Variants in ESPNL observed in about 807,000 individuals in gnomAD.
ESPNL encodes espin like, also known as espin-like protein.
ESPNL carries 49 observed loss-of-function variants against 46.8 expected under a neutral mutation model. The observed-to-expected ratio is 1.05, with a 90% confidence interval of 0.83 to 1.33. ESPNL has a LOEUF of 1.33. Ranked by LOEUF, ESPNL falls within the 40% of genes most tolerant of loss-of-function variation. ESPNL has a pLI of 0.00. For synonymous variants in ESPNL, 664 were observed against 662.1 expected (o/e 1.00, Z -0.04); for missense variants, 1,540 against 1,436.6 (o/e 1.07, Z -1.16).
Position 238,130,554 on chromosome 2 carries a change from G to T in ESPNL, c.1840G>T (p.Val614Leu), listed in dbSNP as rs763670044. 1 of 1,587,910 alleles carries T rather than the reference G, an allele frequency of 6.3e-7. No individual in the cohort carries two copies. Among genetic ancestry groups the T allele is most frequent in the African/African-American group, 1.3e-5 (1 of 74,700 alleles). The change falls in exon 9 of 9, where the codon GTA (valine) becomes TTA (leucine). Residue 614 changes from valine (V) to leucine (L), a missense_variant. By Grantham distance (32) the Val-to-Leu change is conservative. Coordinates refer to ENST00000343063, the MANE Select transcript of ESPNL (RefSeq NM_194312.4). Reference sequence around the variant, plus strand: ...GCTGCTGAAGGGCGTGCATGGGCTAGTACAGGGGGATGAGAAGCCATCCAC... The same window carrying T: ...GCTGCTGAAGGGCGTGCATGGGCTATTACAGGGGGATGAGAAGCCATCCAC... The part of the protein sequence containing the change: ...SLLLKGVHGL[V>L]QGDEKPSTRP...
rs1476661110 is a variant in ESPNL at position 238,107,818 on chromosome 2, G to A, written c.700G>A (p.Ala234Thr). ...CACATTCACCGACATCGGACTCACG[G>A]CACGGGACAATGAGGGGGCCACGGC... Reference protein sequence around the residue: ...LVTFTDIGLTARDNEGATALH... With the variant: ...LVTFTDIGLTTRDNEGATALH... Residue 234 changes from alanine (A) to threonine (T), a missense_variant, in exon 4 of 9, where the codon GCA (alanine) becomes ACA (threonine). Coordinates refer to ENST00000343063, the MANE Select transcript of ESPNL (RefSeq NM_194312.4). The A allele has an allele frequency of 6.2e-7, 1 of 1,602,134 alleles. No individual in the cohort carries two copies. The highest frequency in any genetic ancestry group is 1.3e-5 in the African/African-American group (1 of 74,736).
intron 4 of ESPNL, among the ~76,000 whole-genome samples, chr2:238,110,939 A>G (rs1003847083): frequency 3.4e-5 from 5 of 145,706 alleles, no homozygotes; most frequent in African/African-American, 1.2e-4. Context: ...AGTATATCAC[A>G]TTAGTTATTC....
chr2:238,127,453 G>A (rs1692164804), intron 6 of ESPNL, 169 bp from the exon 7 acceptor site: 5 of 1,372,510 alleles, frequency 3.6e-6, no homozygotes, highest in Middle Eastern at 2.7e-4. Flanking sequence ...CCCCAGAGAA[G>A]GTCCAGTGGG....
chr2:238,120,020 G>C (rs752057266), intron 5 of ESPNL, among the ~76,000 whole-genome samples: 3 of 152,164 alleles, frequency 2.0e-5, no homozygotes, highest in Middle Eastern at 3.2e-3. Flanking sequence ...GCTCTGCCCT[G>C]GTTTTTCCCT....
At chr2:238,119,176 G>GTGGATGGAGGAGGAA (rs1185306911) in intron 5 of ESPNL, among the ~76,000 whole-genome samples, 2 of 127,014 alleles carry the variant, frequency 1.6e-5, no homozygotes, top group Admixed American at 8.0e-5. Flanking sequence ...ATGGAGGAGG[G>GTGGATGGAGGAGGAA]TGGATGGAGG....
At chr2:238,118,951 T>TG (rs1559263673) in intron 5 of ESPNL, among the ~76,000 whole-genome samples, 13 of 65,154 alleles carry the variant, frequency 2.0e-4, no homozygotes, top group African/African-American at 7.1e-4. Context: ...GGAAGAGGAT[T>TG]GATGGAGGAG....
chr2:238,107,536 C>T (rs751984315), intron 3 of ESPNL, among the ~76,000 whole-genome samples: 7 of 147,840 alleles, frequency 4.7e-5, no homozygotes, highest in Non-Finnish European at 5.9e-5. Context: ...TGTTTGCTTT[C>T]AGATTTGGGA....
intron 3 of ESPNL, 30 bp from the exon 4 acceptor site, chr2:238,107,761 T>G (rs1456503948): frequency 6.5e-7 from 1 of 1,540,622 alleles, no homozygotes. Context: ...CCTGGGAGGA[T>G]GGCTGCTCCC....
chr2:238,117,111 C>T lies in ESPNL; in HGVS notation c.987+77C>T, dbSNP rs1574735465. 1.5e-5 allele frequency: 23 copies of T among 1,496,456 alleles called. 1 individual carries two copies. In the East Asian group the frequency reaches 5.6e-4, roughly 36 times the overall value. The allele number at this position is 1,496,456 out of a possible 1,614,324, so 92.7% of individuals were successfully genotyped here. A position where few individuals can be genotyped will look rare whatever the true frequency, so the allele number is the denominator to read the frequency against. On this transcript the variant is annotated intron_variant, in intron 5 of 8. Coordinates refer to ENST00000343063, the MANE Select transcript of ESPNL (RefSeq NM_194312.4). ...CCCCAGCCAGGACCCCACTGCTGAA[C>T]CTGCAGCATAGTCAGCTGGGAAGCT... is the stretch of plus-strand genomic sequence containing the variant.
At position 238,131,553 on chromosome 2, in the gene ESPNL, C is replaced by G; in HGVS notation, c.2839C>G (p.Leu947Val). The G allele has an allele frequency of 6.2e-7, 1 of 1,611,182 alleles. No individual in the cohort carries two copies. The highest frequency in any genetic ancestry group is 2.2e-5 in the East Asian group (1 of 44,818). Residue 947 changes from leucine (L) to valine (V), a missense_variant, in exon 9 of 9, where the codon CTG becomes GTG. Physicochemically the swap from Leu to Val is conservative, Grantham distance 32 (BLOSUM62 1). Coordinates refer to ENST00000343063, the MANE Select transcript of ESPNL (RefSeq NM_194312.4). ...TEPGRKSGLT[L>V]LGPLPHAAVP... ...GCCTGGCCGCAAGTCAGGTCTGACC[C>G]TGCTCGGGCCCCTGCCTCACGCCGC...
chr2:238,122,126 G>T (rs998723000), intron 5 of ESPNL, among the ~76,000 whole-genome samples: 1 of 152,262 alleles, frequency 6.6e-6, no homozygotes, highest in Non-Finnish European at 1.5e-5. Flanking sequence ...CAGCCTCAGG[G>T]CAACTGTCCA....
At chr2:238,109,696 T>C (rs1691675052) in intron 4 of ESPNL, among the ~76,000 whole-genome samples, 1 of 152,240 alleles carries the variant, frequency 6.6e-6, no homozygotes, top group Non-Finnish European at 1.5e-5. Flanking sequence ...GTACAGTACA[T>C]TTGTCACAAT....
At chr2:238,101,876 C>G in intron 1 of ESPNL, 65 bp from the exon 2 acceptor site, 1 of 1,290,690 alleles carries the variant, frequency 7.7e-7, no homozygotes, top group Non-Finnish European at 1.1e-6. Flanking sequence ...CAGGGCCCAC[C>G]TCCGGCAGCT....
chr2:238,120,731 G>A (rs1691969552), intron 5 of ESPNL, among the ~76,000 whole-genome samples: 1 of 152,246 alleles, frequency 6.6e-6, no homozygotes, highest in African/African-American at 2.4e-5. Flanking sequence ...GGCAGGGGGT[G>A]CTCGTCTCTC....
chr2:238,103,776 C>A (rs1381224283), intron 2 of ESPNL, among the ~76,000 whole-genome samples: 1 of 152,234 alleles, frequency 6.6e-6, no homozygotes, highest in East Asian at 1.9e-4. Context: ...AGGGAGTGGA[C>A]CCTCAGGCTC....
rs1334646413 is a variant in ESPNL, at chr2:238,130,344, C to A, written c.1630C>A (p.Pro544Thr). ...AAELQALLPE[P>T]LVSITVNSHF... The stretch of plus-strand genomic sequence containing the variant: ...TGAGCTGCAGGCCCTGCTGCCCGAG[C>A]CCCTGGTCAGCATCACGGTCAACAG... The change falls in exon 9 of 9, where the codon CCC (proline) becomes ACC (threonine). Residue 544 changes from proline (P) to threonine (T), a missense_variant. Coordinates refer to ENST00000343063, the MANE Select transcript of ESPNL (RefSeq NM_194312.4). 5 of 1,609,120 alleles carry A rather than the reference C, an allele frequency of 3.1e-6. No individual in the cohort carries two copies. Among genetic ancestry groups the A allele is most frequent in the Non-Finnish European group, 4.2e-6 (5 of 1,178,352 alleles).
At position 238,116,841 on chromosome 2, in the gene ESPNL, C is replaced by G. The variant is rs981395548; in HGVS notation, c.856-62C>G. ...GGGCAGGGGAGCGGCCCGCACAGGG[C>G]CAGTCCCATGGGCACCTGGTTTGTG... On this transcript the variant is annotated intron_variant, in intron 4 of 8. Transcript: ENST00000343063. 5 of 1,586,864 alleles carry G rather than the reference C, an allele frequency of 3.2e-6. No homozygotes were observed. The Admixed American group carries it at 8.5e-5, about 27-fold the overall frequency.
chr2:238,104,923 G>T, intron 3 of ESPNL, 81 bp downstream of exon 3: 4 of 1,250,888 alleles, frequency 3.2e-6, no homozygotes, highest in Non-Finnish European at 4.2e-6. Flanking sequence ...CCTGGATGGG[G>T]GCTCCAGAGG....
intron 5 of ESPNL, among the ~76,000 whole-genome samples, chr2:238,124,820 TG>T (rs1373099901): frequency 5.3e-5 from 8 of 150,466 alleles, no homozygotes; most frequent in South Asian, 2.1e-4. Context: ...TGTACGTGCA[TG>T]TGTGCAGGAG....
Sources: allele counts gnomAD v4.1 joint callset (sites outside exome capture counted in the v4.1 genomes callset), GRCh38; gene constraint gnomAD v4.1.1; transcripts MANE v1.5; gene names NCBI Gene and HGNC (gene_info 2026-07-23, HGNC 2026-07-21).